Variants in B4GALT1 observed in about 807,000 individuals in gnomAD.
B4GALT1 encodes N-acetyllactosamine synthase.
A neutral mutation model predicts 34.9 loss-of-function variants in B4GALT1; 16 were observed. The observed-to-expected ratio is 0.46, with a 90% CI of 0.31 to 0.70. The LOEUF (loss-of-function observed/expected upper bound fraction) is 0.70, where lower values mean the gene tolerates loss of function less well. Ranked by LOEUF, B4GALT1 falls within the 30% of genes least tolerant of loss-of-function variation. The pLI is 0.05. For synonymous variants in B4GALT1, 221 were observed against 218.1 expected (o/e 1.01, Z -0.12); for missense variants, 445 against 530.5 (o/e 0.84, Z 1.58).
intron 3 of B4GALT1, among the ~76,000 whole-genome samples, chr9:33,119,481 C>T (rs1839989547): frequency 6.6e-6 from 1 of 152,218 alleles, no homozygotes. Flanking sequence ...CTTTGGAAGG[C>T]TGAGGTGAGA....
intron 1 of B4GALT1, among the ~76,000 whole-genome samples, chr9:33,166,180 A>G (rs998856289): frequency 6.6e-5 from 10 of 152,216 alleles, no homozygotes; most frequent in African/African-American, 2.4e-4. Flanking sequence ...ATTGTTCACA[A>G]TATCTTCCAA....
At chr9:33,163,814 C>T (rs932967690) in intron 1 of B4GALT1, among the ~76,000 whole-genome samples, 1 of 152,206 alleles carries the variant, frequency 6.6e-6, no homozygotes, top group African/African-American at 2.4e-5. Context: ...AGAAGGATAG[C>T]ATAGCACCTG....
At chr9:33,171,023 T>G (rs1190802532), upstream of B4GALT1, among the ~76,000 whole-genome samples, 1 of 152,222 alleles carries the variant, frequency 6.6e-6, no homozygotes, top group African/African-American at 2.4e-5. Context: ...TGCCCTCCTA[T>G]GGCGCCCTCT....
intron 3 of B4GALT1, among the ~76,000 whole-genome samples, chr9:33,118,201 T>C (rs1437421962): frequency 6.6e-6 from 1 of 152,192 alleles, no homozygotes; most frequent in Admixed American, 6.6e-5. Flanking sequence ...CTGAAGAGTC[T>C]AAAAGTAAGG....
downstream of B4GALT1, among the ~76,000 whole-genome samples, chr9:33,107,209 C>T (rs182791595): frequency 2.6e-5 from 4 of 152,210 alleles, no homozygotes; most frequent in African/African-American, 7.2e-5. Context: ...CTGCCAAAGA[C>T]GGAAATGAGG....
intron 1 of B4GALT1, among the ~76,000 whole-genome samples, chr9:33,154,040 AGGG>A (rs1840562475): frequency 4.2e-5 from 1 of 23,542 alleles, no homozygotes; most frequent in Non-Finnish European, 8.3e-5. Context: ...GAAGGGAGGG[AGGG>A]AGGGAGGGAG....
intron 1 of B4GALT1, among the ~76,000 whole-genome samples, chr9:33,166,241 G>T (rs1840750420): frequency 1.3e-5 from 2 of 152,174 alleles, no homozygotes; most frequent in African/African-American, 4.8e-5. Context: ...AGAAATATGA[G>T]GTTCAGAGAG....
chr9:33,141,768 A>G (rs966628034), intron 1 of B4GALT1, among the ~76,000 whole-genome samples: 2 of 152,126 alleles, frequency 1.3e-5, no homozygotes, highest in African/African-American at 4.8e-5. Flanking sequence ...GAGTACGCCA[A>G]TAAATCCTAG....
chr9:33,124,163 T>A (rs10971419), intron 2 of B4GALT1, among the ~76,000 whole-genome samples: 1 of 152,026 alleles, frequency 6.6e-6, no homozygotes, highest in East Asian at 1.9e-4. Flanking sequence ...GCTGTAACAC[T>A]GGGGCACACA....
rs1286051003 is a variant in B4GALT1, at chr9:33,120,528, A to C, written c.727T>G (p.Cys243Gly). ...AGGTCCACGTCACTAAACACAAAGCAGGTGTAGTCATAGTCCTTCAAGGCT... is the reference window on the plus strand; with the variant it reads ...AGGTCCACGTCACTAAACACAAAGCCGGTGTAGTCATAGTCCTTCAAGGCT... ...QEALKDYDYT[C>G]FVFSDVDLIP... is the part of the protein sequence containing the mutation. The change falls in exon 3 of 6, where the codon TGC becomes GGC. Residue 243 changes from cysteine (C) to glycine (G), a missense_variant. Physicochemically the swap from Cys to Gly is radical, Grantham distance 159 (BLOSUM62 -3). Around this residue, in one of 3 missense-constraint regions of B4GALT1, gnomAD observed 349 missense variants for 395.5 expected, o/e 0.88. Coordinates refer to ENST00000379731, the MANE Select transcript of B4GALT1 (RefSeq NM_001497.4). 6.2e-7 allele frequency: 1 copy of C among 1,614,112 alleles called. No individual in the cohort carries two copies. The highest frequency in any genetic ancestry group is 8.5e-7 in the Non-Finnish European group (1 of 1,180,038).
At chr9:33,166,717 G>A (rs1186728945) in intron 1 of B4GALT1, 41 bp downstream of exon 1, 2 of 1,479,242 alleles carry the variant, frequency 1.4e-6, no homozygotes, top group African/African-American at 1.4e-5. Flanking sequence ...GAAATCCGGG[G>A]GGGTCCCAAT....
intron 1 of B4GALT1, among the ~76,000 whole-genome samples, chr9:33,157,835 C>G (rs1188038140): frequency 6.6e-6 from 1 of 152,090 alleles, no homozygotes; most frequent in African/African-American, 2.4e-5. Flanking sequence ...GTTTTAAGCC[C>G]TTTCGTGGCT....
chr9:33,154,808 C>G (rs532711642), intron 1 of B4GALT1, among the ~76,000 whole-genome samples: 1 of 152,258 alleles, frequency 6.6e-6, no homozygotes, highest in South Asian at 2.1e-4. Context: ...CAGCTCAACA[C>G]AAATTCATGA....
At chr9:33,108,190 G>A (rs528202901), downstream of B4GALT1, among the ~76,000 whole-genome samples, 1 of 152,298 alleles carries the variant, frequency 6.6e-6, no homozygotes, top group East Asian at 1.9e-4. Context: ...ACAGCCCTAT[G>A]AAATAGGTTC....
In B4GALT1 at chr9:33,167,198, G is replaced by C. The variant is rs1173195696; in HGVS notation, c.-29C>G. Reference sequence around the variant, plus strand: ...CCCGCCGCCGCTTTAAGAAGGGTGTGGGCTACAGGAGGGGAGGCGACCCGC... The same window carrying C: ...CCCGCCGCCGCTTTAAGAAGGGTGTCGGCTACAGGAGGGGAGGCGACCCGC... On this transcript the variant is annotated 5_prime_UTR_variant, in exon 1 of 6. Coordinates refer to ENST00000379731, the MANE Select transcript of B4GALT1 (RefSeq NM_001497.4). The C allele has an allele frequency of 1.9e-6, 3 of 1,572,658 alleles. No homozygotes were observed. The highest frequency in any genetic ancestry group is 3.6e-5 in the Admixed American group (2 of 55,154).
At chr9:33,152,598 TG>T (rs1188430880) in intron 1 of B4GALT1, among the ~76,000 whole-genome samples, 1 of 149,014 alleles carries the variant, frequency 6.7e-6, no homozygotes, top group African/African-American at 2.5e-5. Flanking sequence ...AAAAGTCAGC[TG>T]GGCACAGTGG....
intron 1 of B4GALT1, among the ~76,000 whole-genome samples, chr9:33,137,732 T>G (rs1395889925): frequency 6.6e-6 from 1 of 152,112 alleles, no homozygotes; most frequent in Non-Finnish European, 1.5e-5. Flanking sequence ...AGCTGGGTAG[T>G]AGGGCTCCGA....
intron 3 of B4GALT1, among the ~76,000 whole-genome samples, chr9:33,117,121 A>G (rs1839952118): frequency 1.3e-5 from 2 of 152,042 alleles, no homozygotes; most frequent in Non-Finnish European, 2.9e-5. Flanking sequence ...ATTGTTTCAG[A>G]GCCTCTCTGT....
intron 1 of B4GALT1, among the ~76,000 whole-genome samples, chr9:33,158,677 G>T (rs1176600627): frequency 1.3e-5 from 2 of 152,182 alleles, no homozygotes; most frequent in African/African-American, 4.8e-5. Context: ...CTGGAAGAGA[G>T]GTCCTTCATT....
Sources: allele counts gnomAD v4.1 joint callset (sites outside exome capture counted in the v4.1 genomes callset), GRCh38; gene constraint gnomAD v4.1.1; regional missense constraint gnomAD v4.1.1; transcripts MANE v1.5; gene names NCBI Gene and HGNC (gene_info 2026-07-23, HGNC 2026-07-21).